Variants in FBN2 observed in about 807,000 individuals in gnomAD.
FBN2 encodes the protein fibrillin-2.
Under a neutral mutation model 355.6 loss-of-function variants are expected in FBN2, and 105 were observed. The observed-to-expected ratio is 0.30, with a 90% CI of 0.25 to 0.35. The LOEUF (loss-of-function observed/expected upper bound fraction) is 0.35, where lower values mean the gene tolerates loss of function less well. Ranked by LOEUF, FBN2 falls within the 10% of genes least tolerant of loss-of-function variation. FBN2 has a pLI of 1.00. For missense variants in FBN2, 3,280 were observed against 3,758.7 expected (o/e 0.87, Z 3.33); for synonymous variants, 1,350 against 1,301.2 (o/e 1.04, Z -0.81).
In FBN2 at chr5:128,395,274, T is replaced by C. The variant is rs1337259631; in HGVS notation, c.1079A>G (p.Asp360Gly). ...VTSTDGSRCIDQRTGMCFSGL... is the reference protein window; with the variant it reads ...VTSTDGSRCIGQRTGMCFSGL... ...CGAGAAACACATGCCTGTTCTCTGA[T>C]CTGTGCATGTATAAATAAGACAGAA... Residue 360 changes from aspartate (D) to glycine (G), a missense_variant and splice_region_variant, in exon 9 of 65, where the codon GAT (aspartate) becomes GGT (glycine). Physicochemically the swap from Asp to Gly is moderately conservative, Grantham distance 94. Transcript: ENST00000262464. The C allele has an allele frequency of 6.2e-7, 1 of 1,613,996 alleles. No individual in the cohort carries two copies. Among genetic ancestry groups the C allele is most frequent in the Non-Finnish European group, 8.5e-7 (1 of 1,180,020 alleles).
chr5:128,390,375 T>G (rs1752480739), intron 11 of FBN2, among the ~76,000 whole-genome samples: 1 of 148,420 alleles, frequency 6.7e-6, no homozygotes, highest in Non-Finnish European at 1.5e-5. Context: ...GCTATTTACT[T>G]TTTTTTTTTA....
intron 7 of FBN2, among the ~76,000 whole-genome samples, chr5:128,422,566 A>G (rs892622998): frequency 6.6e-6 from 1 of 152,180 alleles, no homozygotes; most frequent in African/African-American, 2.4e-5. Context: ...TGAACTAATT[A>G]ATGGCAAGAG....
chr5:128,379,035 T>C, intron 11 of FBN2, 145 bp from the exon 12 acceptor site: 1 of 912,920 alleles, frequency 1.1e-6, no homozygotes, highest in Non-Finnish European at 1.8e-6. Flanking sequence ...TGAATGAAAA[T>C]TCCTCTCTTC....
chr5:128,364,054 C>A (rs1007722375), intron 18 of FBN2, among the ~76,000 whole-genome samples: 1 of 152,108 alleles, frequency 6.6e-6, no homozygotes, highest in African/African-American at 2.4e-5. Flanking sequence ...AAATCTTGCA[C>A]TAATAGGAAA....
intron 48 of FBN2, among the ~76,000 whole-genome samples, chr5:128,293,846 A>AATT (rs111562636): frequency 0.046 from 7,050 of 151,922 alleles, 573 homozygotes; most frequent in African/African-American, 0.16. Flanking sequence ...TTAATTAATT[A>AATT]ATTATTATAC....
At chr5:128,515,963 G>A (rs187404886) in intron 5 of FBN2, among the ~76,000 whole-genome samples, 62 of 152,246 alleles carry the variant, frequency 4.1e-4, no homozygotes, top group Middle Eastern at 6.8e-3. Flanking sequence ...TCTAACAGAT[G>A]AGCCTTATAT....
chr5:128,416,523 T>C (rs1226701142), intron 7 of FBN2, among the ~76,000 whole-genome samples: 1 of 152,238 alleles, frequency 6.6e-6, no homozygotes, highest in East Asian at 1.9e-4. Flanking sequence ...TGCCTTCTTC[T>C]AGTAGTTTTA....
Position 128,426,124 on chromosome 5 carries a change from TC to T in FBN2, c.953-17326del, listed in dbSNP as rs1320567099. 3.3e-5 allele frequency among the ~76,000 whole-genome samples: 5 copies of T among 152,272 alleles called. No homozygotes were observed. The East Asian group carries it at 9.7e-4, about 29-fold the overall frequency. On this transcript the variant is annotated intron_variant, in intron 7 of 64. Coordinates refer to ENST00000262464, the MANE Select transcript of FBN2 (RefSeq NM_001999.4). Reference sequence around the variant, plus strand: ...CCCAACAAGCCATTCACTGGCATTCTCTATGCAAAACGACAAATTCAAAATA... The same window carrying T: ...CCCAACAAGCCATTCACTGGCATTCTTATGCAAAACGACAAATTCAAAATA...
chr5:128,361,922 T>C lies in FBN2; in HGVS notation c.2429-74A>G, dbSNP rs1751649707. On this transcript the variant is annotated intron_variant, in intron 18 of 64. Coordinates refer to ENST00000262464, the MANE Select transcript of FBN2 (RefSeq NM_001999.4). ...TTACAGTGGGCAGCAATGTTTAATT[T>C]TGTTATTTGTTTTATTTCCCTCTTT... 4 of 1,450,844 alleles carry C rather than the reference T, an allele frequency of 2.8e-6. No homozygotes were observed. In the Admixed American group the frequency reaches 6.7e-5, roughly 24 times the overall value. 89.9% of individuals were successfully genotyped at this position (1,450,844 alleles called of 1,614,324 possible).
chr5:128,535,144 T>A (rs1000660147), intron 2 of FBN2, among the ~76,000 whole-genome samples: 1 of 152,214 alleles, frequency 6.6e-6, no homozygotes, highest in Non-Finnish European at 1.5e-5. Flanking sequence ...AATCAGAGGA[T>A]TTGTTCAAAA....
At chr5:128,286,206 A>G (rs962084069) in intron 55 of FBN2, among the ~76,000 whole-genome samples, 24 of 152,338 alleles carry the variant, frequency 1.6e-4, no homozygotes, top group African/African-American at 5.8e-4. Flanking sequence ...TATCTAACAA[A>G]TGAAAAGAAA....
At chr5:128,263,838 C>T (rs555695115) in intron 62 of FBN2, among the ~76,000 whole-genome samples, 182 bp from the exon 63 acceptor site, 1 of 152,270 alleles carries the variant, frequency 6.6e-6, no homozygotes, top group African/African-American at 2.4e-5. Context: ...TAAATTGTGG[C>T]TTTAAAAAAC....
chr5:128,454,720 C>A (rs1390954174), intron 6 of FBN2, among the ~76,000 whole-genome samples: 1 of 152,162 alleles, frequency 6.6e-6, no homozygotes, highest in South Asian at 2.1e-4. Flanking sequence ...GAACACACAC[C>A]AGCATTTGTT....
At chr5:128,449,409 T>C (rs1284713787) in intron 6 of FBN2, among the ~76,000 whole-genome samples, 1 of 91,582 alleles carries the variant, frequency 1.1e-5, no homozygotes, top group South Asian at 3.4e-4. Flanking sequence ...TGTATAATTA[T>C]ATAGTATACT....
At position 128,295,376 on chromosome 5, in the gene FBN2, G is replaced by A. The variant is rs1253522537; in HGVS notation, c.6167-3722C>T. On this transcript the variant is annotated intron_variant, in intron 48 of 64. Coordinates refer to ENST00000262464, the MANE Select transcript of FBN2 (RefSeq NM_001999.4). ...AGTTTTTTCCAATTCTGTGAAGAAA[G>A]GCATTGGTAGCTTCATGGGGATGGC... 2.6e-5 allele frequency among the ~76,000 whole-genome samples: 4 copies of A among 151,186 alleles called. No homozygotes were observed. In the East Asian group the frequency reaches 7.8e-4, roughly 29 times the overall value.
intron 46 of FBN2, among the ~76,000 whole-genome samples, 184 bp from the exon 47 acceptor site, chr5:128,301,694 G>T (rs1210015343): frequency 6.6e-6 from 1 of 152,090 alleles, no homozygotes; most frequent in African/African-American, 2.4e-5. Context: ...ATCCCATAGA[G>T]TCCTACTATT....
intron 4 of FBN2, among the ~76,000 whole-genome samples, chr5:128,524,652 C>T (rs1214346262): frequency 6.6e-6 from 1 of 152,136 alleles, no homozygotes; most frequent in African/African-American, 2.4e-5. Context: ...TGCTTCTTTG[C>T]TCTCAGTATT....
intron 5 of FBN2, among the ~76,000 whole-genome samples, chr5:128,504,952 A>C (rs1294695997): frequency 6.6e-6 from 1 of 152,154 alleles, no homozygotes; most frequent in Non-Finnish European, 1.5e-5. Context: ...AAGATAGCTG[A>C]ATTATGGGAG....
chr5:128,346,218 C>G (rs1751179386), intron 23 of FBN2, among the ~76,000 whole-genome samples: 1 of 152,148 alleles, frequency 6.6e-6, no homozygotes, highest in African/African-American at 2.4e-5. Context: ...CTGTGCTAGC[C>G]AGGACCTTAG....
Sources: allele counts gnomAD v4.1 joint callset (sites outside exome capture counted in the v4.1 genomes callset), GRCh38; gene constraint gnomAD v4.1.1; transcripts MANE v1.5; gene names NCBI Gene and HGNC (gene_info 2026-07-23, HGNC 2026-07-21).